Variants in TPR observed in about 807,000 individuals in gnomAD.
The protein encoded by TPR is nucleoprotein TPR.
In TPR, 51 loss-of-function variants were observed where a neutral mutation model predicts 316.1. The ratio of observed to expected loss-of-function variants is 0.16; its 90% CI spans 0.13 to 0.20. The LOEUF is 0.20. Among genes scored for constraint, TPR ranks in the 10% least tolerant of loss-of-function variants. The pLI is 1.00. For missense variants in TPR, 2,272 were observed against 2,754.8 expected (o/e 0.82, Z 3.92); for synonymous variants, 981 against 914.7 (o/e 1.07, Z -1.31).
At position 186,312,950 on chromosome 1, in the gene TPR, A is replaced by T; in HGVS notation, c.*1021T>A. Reference sequence around the variant, plus strand: ...GGTGATATCATTTGTGAAAACATGAAGATAAAGTAAAAATGCTGGCTGCAA... The same window carrying T: ...GGTGATATCATTTGTGAAAACATGATGATAAAGTAAAAATGCTGGCTGCAA... On this transcript the variant is annotated 3_prime_UTR_variant, in exon 51 of 51. Coordinates refer to ENST00000367478, the MANE Select transcript of TPR (RefSeq NM_003292.3). The T allele has an allele frequency of 6.5e-7, 1 of 1,549,100 alleles. No individual in the cohort carries two copies. Among genetic ancestry groups the T allele is most frequent in the Admixed American group, 1.7e-5 (1 of 59,884 alleles).
chr1:186,339,714 T>A lies in TPR; in HGVS notation c.4079A>T (p.Glu1360Val). 2 of 1,604,784 alleles carry A rather than the reference T, an allele frequency of 1.2e-6. No individual in the cohort carries two copies. The highest frequency in any genetic ancestry group is 1.7e-6 in the Non-Finnish European group (2 of 1,175,516). Residue 1360 changes from glutamate (E) to valine (V), a missense_variant, in exon 30 of 51, where the codon GAA becomes GTA. Physicochemically the swap from Glu to Val is moderately radical, Grantham distance 121 (BLOSUM62 -2). Coordinates refer to ENST00000367478, the MANE Select transcript of TPR (RefSeq NM_003292.3). ...DTEEYRKLLSEKEVHTKRIQQ... is the reference protein window; with the variant it reads ...DTEEYRKLLSVKEVHTKRIQQ... ...AATACGCTTAGTATGAACTTCCTTT[T>A]CAGAAAGGAGCTTCCGATATTCTTC...
intron 41 of TPR, 33 bp downstream of exon 41, chr1:186,326,071 G>C: frequency 6.2e-7 from 1 of 1,612,510 alleles, no homozygotes; most frequent in Non-Finnish European, 8.5e-7. Context: ...CTCATAGAAA[G>C]AACTATGAAT....
In TPR at chr1:186,338,017, A is replaced by C. The variant is rs1658392165; in HGVS notation, c.4362+16T>G. 2 of 1,547,118 alleles carry C rather than the reference A, an allele frequency of 1.3e-6. No individual in the cohort carries two copies. Among genetic ancestry groups the C allele is most frequent in the Admixed American group, 4.5e-5 (2 of 44,898 alleles). On this transcript the variant is annotated intron_variant, in intron 31 of 50. Transcript: ENST00000367478. Reference sequence around the variant, plus strand: ...CATCCTAGTTTTTTTTTGTAAGATAAGTTTCTTCAAAATACCTTATCCTGT... The same window carrying C: ...CATCCTAGTTTTTTTTTGTAAGATACGTTTCTTCAAAATACCTTATCCTGT...
At position 186,344,072 on chromosome 1, in the gene TPR, C is replaced by A. The variant is rs573619444; in HGVS notation, c.3436G>T (p.Val1146Leu). The A allele has an allele frequency of 4.3e-6, 7 of 1,613,478 alleles. No individual in the cohort carries two copies. In the Admixed American group the frequency reaches 1.0e-4, roughly 23 times the overall value. Residue 1146 changes from valine to leucine, a missense_variant, in exon 26 of 51, where the codon GTA becomes TTA. Val to Leu is a conservative substitution (Grantham distance 32, BLOSUM62 1). Transcript: ENST00000367478. The part of the protein sequence containing the change: ...RMLKDEVSKC[V>L]CRCEDLEKQN... Reference sequence around the variant, plus strand: ...TTCTCCAGATCTTCACAGCGACATACACATTTGGAAACTTCATCCTGCAAG... The same window carrying A: ...TTCTCCAGATCTTCACAGCGACATAAACATTTGGAAACTTCATCCTGCAAG...
intron 3 of TPR, among the ~76,000 whole-genome samples, chr1:186,369,212 T>C (rs1432022419): frequency 6.6e-6 from 1 of 152,204 alleles, no homozygotes; most frequent in Non-Finnish European, 1.5e-5. Context: ...TCTTGCTCAG[T>C]ACTGCTTTGG....
At chr1:186,346,362 A>G (rs572253323) in intron 22 of TPR, 75 bp from the exon 23 acceptor site, 1 of 1,396,110 alleles carries the variant, frequency 7.2e-7, no homozygotes, top group Non-Finnish European at 9.6e-7. Context: ...CTCCAAATCA[A>G]AACTAATTTG....
At chr1:186,317,738 C>T in intron 48 of TPR, 138 bp from the exon 49 acceptor site, 1 of 718,308 alleles carries the variant, frequency 1.4e-6, no homozygotes, top group Non-Finnish European at 2.2e-6. Flanking sequence ...GATTTGGTTA[C>T]CATATATATT....
chr1:186,316,346 T>C (rs1178622914), intron 49 of TPR, among the ~76,000 whole-genome samples: 1 of 152,216 alleles, frequency 6.6e-6, no homozygotes, highest in Non-Finnish European at 1.5e-5. Context: ...AGTTACCAGA[T>C]ATGAAACGGT....
At position 186,343,402 on chromosome 1, in the gene TPR, C is replaced by T. The variant is rs772164819; in HGVS notation, c.3674G>A (p.Arg1225Gln). 3 of 1,614,048 alleles carry T rather than the reference C, an allele frequency of 1.9e-6. No homozygotes were observed. The highest frequency in any genetic ancestry group is 2.2e-5 in the East Asian group (1 of 44,862). The change falls in exon 27 of 51, where the codon CGA (arginine) becomes CAA (glutamine). Residue 1225 changes from arginine to glutamine, a missense_variant. This residue lies in a region of TPR where 757 missense variants were observed against 859.8 expected (regional missense o/e 0.88). Transcript: ENST00000367478. ...TCTTTCTAAAAGTTCAACCCTTTGT[C>T]GATAACGCAGACTCTCAACCTGAGC... The part of the protein sequence containing the change: ...EVAQVESLRY[R>Q]QRVELLEREL...
intron 30 of TPR, 33 bp downstream of exon 30, chr1:186,339,609 A>G: frequency 6.9e-7 from 1 of 1,455,412 alleles, no homozygotes; most frequent in Non-Finnish European, 9.1e-7. Flanking sequence ...CTTCTTTTAT[A>G]TTATATATGA....
chr1:186,369,161 G>C (rs973064124), intron 3 of TPR, among the ~76,000 whole-genome samples: 1 of 152,080 alleles, frequency 6.6e-6, no homozygotes, highest in African/African-American at 2.4e-5. Context: ...TTTTATAACA[G>C]TTTTCTAAAT....
chr1:186,362,442 G>C (rs1659224749), intron 6 of TPR, 62 bp from the exon 7 acceptor site: 2 of 1,321,694 alleles, frequency 1.5e-6, no homozygotes, highest in Non-Finnish European at 2.2e-6. Context: ...ACTCTGACAT[G>C]AGGTTTATGC....
intron 46 of TPR, among the ~76,000 whole-genome samples, 193 bp from the exon 47 acceptor site, chr1:186,319,021 G>A (rs190335811): frequency 1.3e-4 from 20 of 152,176 alleles, no homozygotes; most frequent in Admixed American, 7.9e-4. Flanking sequence ...ACAGGGTCTC[G>A]TTCTGTCACC....
chr1:186,335,818 A>G (rs970256637), intron 33 of TPR, among the ~76,000 whole-genome samples: 7 of 152,122 alleles, frequency 4.6e-5, no homozygotes, highest in African/African-American at 1.7e-4. Flanking sequence ...AAGCCCGTTT[A>G]TATTTCAATG....
Position 186,335,395 on chromosome 1 carries a change from C to T in TPR, c.4854G>A (p.Arg1618=), listed in dbSNP as rs1658309195. ...GRISRLEREL[R]EHQERHLEQR... ...GCTCAAGGTGTCTCTCTTGATGCTC[C>T]CTGAGTTCTCTTTCCAAGCGACTAA... The change falls in exon 34 of 51, where the codon AGG becomes AGA. Residue 1618 remains arginine, a synonymous_variant. Transcript: ENST00000367478. 1.9e-6 allele frequency: 3 copies of T among 1,613,732 alleles called. No individual in the cohort carries two copies. Among genetic ancestry groups the T allele is most frequent in the Non-Finnish European group, 2.5e-6 (3 of 1,179,758 alleles).
In TPR at chr1:186,346,467, C is replaced by G. The variant is rs929065737; in HGVS notation, c.2944-180G>C. Among the ~76,000 whole-genome samples, 7 of 152,144 alleles carry G rather than the reference C, an allele frequency of 4.6e-5. No homozygotes were observed. In the South Asian group the frequency reaches 1.4e-3, roughly 32 times the overall value. On this transcript the variant is annotated intron_variant, in intron 22 of 50. Coordinates refer to ENST00000367478, the MANE Select transcript of TPR (RefSeq NM_003292.3). ...CAACAAGCAAAAACACCATATAAATCTACAAGCATTTACCATTCATCTTGG... is the reference window on the plus strand; with the variant it reads ...CAACAAGCAAAAACACCATATAAATGTACAAGCATTTACCATTCATCTTGG...
rs564395414 is a variant in TPR, at chr1:186,331,645, T to C, written c.5605-64A>G. ...TAGTAGATGAAGGGTTACCTGTTTT[T>C]GTTAGTTCTCTCATTTGAAAAAACC... On this transcript the variant is annotated intron_variant, in intron 38 of 50. Transcript: ENST00000367478. 63 of 1,102,748 alleles carry C rather than the reference T, an allele frequency of 5.7e-5. No individual in the cohort carries two copies. In the South Asian group the frequency reaches 1.2e-3, roughly 21 times the overall value. The allele number at this position is 1,102,748 out of a possible 1,614,324, so 68.3% of individuals were successfully genotyped here.
At chr1:186,318,084 C>T (rs1354296358) in intron 48 of TPR, among the ~76,000 whole-genome samples, 2 of 152,292 alleles carry the variant, frequency 1.3e-5, no homozygotes, top group East Asian at 3.9e-4. Flanking sequence ...TTCTCTCTTC[C>T]ATTCAAGACA....
chr1:186,356,614 C>T (rs1257520895), intron 14 of TPR, 165 bp from the exon 15 acceptor site: 2 of 626,902 alleles, frequency 3.2e-6, no homozygotes, highest in East Asian at 5.6e-5. Context: ...TTTTTAAATC[C>T]CCACCACACA....
Sources: allele counts gnomAD v4.1 joint callset (sites outside exome capture counted in the v4.1 genomes callset), GRCh38; gene constraint gnomAD v4.1.1; regional missense constraint gnomAD v4.1.1; transcripts MANE v1.5; gene names NCBI Gene and HGNC (gene_info 2026-07-23, HGNC 2026-07-21).